The following SLC44A4 variants were observed in gnomAD, a reference collection of about 807,000 sequenced individuals.
SLC44A4 encodes solute carrier family 44 member 4.
Under a neutral mutation model 97.0 loss-of-function variants are expected in SLC44A4, and 74 were observed. The ratio of observed to expected loss-of-function variants is 0.76; its 90% CI spans 0.63 to 0.93. SLC44A4 has a LOEUF of 0.93. SLC44A4 is among the 40% of genes least tolerant of loss of function. The pLI, the probability that SLC44A4 is intolerant of heterozygous loss-of-function variation, is 0.00. For missense variants in SLC44A4, 799 were observed against 902.9 expected (o/e 0.88, Z 1.48); for synonymous variants, 325 against 363.8 (o/e 0.89, Z 1.21).
rs1311386427 is a variant in SLC44A4, at chr6:31,875,902, G to T, written c.192C>A (p.Val64=). The T allele has an allele frequency of 6.2e-7, 1 of 1,613,602 alleles. No individual in the cohort carries two copies. Among genetic ancestry groups the T allele is most frequent in the African/African-American group, 1.3e-5 (1 of 74,908 alleles). The change falls in exon 4 of 21, where the codon GTC becomes GTA. Residue 64 remains valine, a synonymous_variant. Coordinates refer to ENST00000229729, the MANE Select transcript of SLC44A4 (RefSeq NM_025257.3). ...CCCCAGTAGAGTTCCTGGGGTAGAG[G>T]ACTTGCCGGGGGTCTCCATACAACC... is the stretch of plus-strand genomic sequence containing the variant. ...VAWLYGDPRQ[V]LYPRNSTGAY... is the part of the protein sequence containing the mutation.
At position 31,865,646 on chromosome 6, in the gene SLC44A4, T is replaced by C. The variant is rs777509034; in HGVS notation, c.1582+44A>G. 12 of 1,611,820 alleles carry C rather than the reference T, an allele frequency of 7.4e-6. No individual in the cohort carries two copies. The highest frequency in any genetic ancestry group is 1.0e-5 in the Non-Finnish European group (12 of 1,178,994). ...ATGTTTGGTCACTGCCCCTCCCTAA[T>C]GGCCTTCCCCAGCTCCTGACTCCTA... On this transcript the variant is annotated intron_variant, in intron 15 of 20. Transcript: ENST00000229729. The surrounding 1 kb of genome is among the most constrained non-coding windows in gnomAD (Gnocchi z 5.2).
Position 31,866,047 on chromosome 6 carries a change from GA to G in SLC44A4, c.1312del (p.Ser438LeufsTer50), listed in dbSNP as rs1762850581. 1 of 1,614,124 alleles carries G rather than the reference GA, an allele frequency of 6.2e-7. No individual in the cohort carries two copies. Among genetic ancestry groups the G allele is most frequent in the Non-Finnish European group, 8.5e-7 (1 of 1,180,060 alleles). ...CCCATAGATTTGCAGATTGAAGACA[GA>G]ACGTTGGATTAGGCCTTTGGATGAG... ...GYSSKGLIQR[S>X]VFNLQIYGVL... On this transcript the variant is annotated frameshift_variant, in exon 14 of 21. Coordinates refer to ENST00000229729, the MANE Select transcript of SLC44A4 (RefSeq NM_025257.3). LOFTEE classifies it high-confidence loss of function.
chr6:31,869,807 A>C (rs1763057902), intron 11 of SLC44A4, among the ~76,000 whole-genome samples, 170 bp from the exon 12 acceptor site: 1 of 152,122 alleles, frequency 6.6e-6, no homozygotes, highest in African/African-American at 2.4e-5. Context: ...AACACGGTGA[A>C]ACCCCATCTC....
At chr6:31,868,855 G>A (rs1186628915) in intron 13 of SLC44A4, among the ~76,000 whole-genome samples, 1 of 151,954 alleles carries the variant, frequency 6.6e-6, no homozygotes, top group Non-Finnish European at 1.5e-5. Flanking sequence ...AGACTCAGAG[G>A]GTGAAGTGGT....
At chr6:31,869,332 G>T in intron 12 of SLC44A4, 75 bp from the exon 13 acceptor site, 1 of 1,209,068 alleles carries the variant, frequency 8.3e-7, no homozygotes, top group Non-Finnish European at 1.2e-6. Flanking sequence ...CCTGTTCCTA[G>T]GTGCTTGTGC....
chr6:31,868,256 GGA>G (rs1395897833), intron 13 of SLC44A4, among the ~76,000 whole-genome samples: 6 of 152,202 alleles, frequency 3.9e-5, no homozygotes, highest in Non-Finnish European at 8.8e-5. Flanking sequence ...ACCTCACAGG[GGA>G]ATTTTGGAAG....
intron 9 of SLC44A4, 130 bp from the exon 10 acceptor site, chr6:31,871,177 G>A: frequency 7.9e-7 from 1 of 1,270,910 alleles, no homozygotes; most frequent in Non-Finnish European, 1.1e-6. Context: ...TATAAATCCT[G>A]TTGGTCTTGG....
In SLC44A4 at chr6:31,875,913, G is replaced by A. The variant is rs756847878; in HGVS notation, c.181C>T (p.Pro61Ser). The change falls in exon 4 of 21, where the codon CCC (proline) becomes TCC (serine). Residue 61 changes from proline to serine, a missense_variant. Pro to Ser is a moderately conservative substitution (Grantham distance 74). This residue lies in a region of SLC44A4 where 409 missense variants were observed against 434.1 expected (regional missense o/e 0.94). Transcript: ENST00000229729. ...TTCCTGGGGTAGAGGACTTGCCGGG[G>A]GTCTCCATACAACCAGGCTGCAGAC... ...VGIVAWLYGD[P>S]RQVLYPRNST... The A allele has an allele frequency of 3.1e-6, 5 of 1,613,716 alleles. No homozygotes were observed. The Admixed American group carries it at 6.7e-5, about 22-fold the overall frequency.
chr6:31,874,830 C>G lies in SLC44A4; in HGVS notation c.359G>C (p.Cys120Ser). The G allele has an allele frequency of 6.2e-7, 1 of 1,612,562 alleles. No homozygotes were observed. Among genetic ancestry groups the G allele is most frequent in the East Asian group, 2.2e-5 (1 of 44,876 alleles). ...CPTPQVCVSS[C>S]PEDPWTVGKN... ...TCCCACAGTCCATGGGTCCTCCGGGCAGGAGGACACACACACCTGGGTGCA... is the reference window on the plus strand; with the variant it reads ...TCCCACAGTCCATGGGTCCTCCGGGGAGGAGGACACACACACCTGGGTGCA... Residue 120 changes from cysteine (C) to serine (S), a missense_variant, in exon 6 of 21, where the codon TGC (cysteine) becomes TCC (serine). This residue lies in a region of SLC44A4 where 409 missense variants were observed against 434.1 expected (regional missense o/e 0.94). Coordinates refer to ENST00000229729, the MANE Select transcript of SLC44A4 (RefSeq NM_025257.3). This position sits in a 1 kb window ranked among gnomAD's most constrained non-coding sequence, Gnocchi z 4.8.
rs1318084634 is a variant in SLC44A4 at position 31,865,446 on chromosome 6, G to T, written c.1686+52C>A. On this transcript the variant is annotated intron_variant, in intron 16 of 20. Coordinates refer to ENST00000229729, the MANE Select transcript of SLC44A4 (RefSeq NM_025257.3). The surrounding 1 kb of genome is among the most constrained non-coding windows in gnomAD (Gnocchi z 5.2). The stretch of plus-strand genomic sequence containing the variant: ...GCGAGCTGCCTGGACCAGGATGGGG[G>T]TGTCTAGACCAAAGGGCACCAGAAC... 4.3e-6 allele frequency: 7 copies of T among 1,611,396 alleles called. No individual in the cohort carries two copies. The highest frequency in any genetic ancestry group is 3.3e-5 in the Admixed American group (2 of 59,990).
At position 31,876,080 on chromosome 6, in the gene SLC44A4, C is replaced by T. The variant is rs779337314; in HGVS notation, c.139G>A (p.Gly47Ser). Residue 47 changes from glycine to serine, a missense_variant, in exon 3 of 21, where the codon GGT (glycine) becomes AGT (serine). By Grantham distance (56) the Gly-to-Ser change is moderately conservative (BLOSUM62 0). Around this residue, in one of 3 missense-constraint regions of SLC44A4, gnomAD observed 409 missense variants for 434.1 expected, o/e 0.94. Coordinates refer to ENST00000229729, the MANE Select transcript of SLC44A4 (RefSeq NM_025257.3). The surrounding 1 kb of genome is among the most constrained non-coding windows in gnomAD (Gnocchi z 4.8). ...CCVLFLLFIL[G>S]YIVVGIVAWL... ...CCCACAATCCCCACCACGATGTAAC[C>T]TAGAATGAAGAGCAGGAAGAGGACG... 6.2e-7 allele frequency: 1 copy of T among 1,614,044 alleles called. No homozygotes were observed. The highest frequency in any genetic ancestry group is 8.5e-7 in the Non-Finnish European group (1 of 1,180,020).
At position 31,874,667 on chromosome 6, in the gene SLC44A4, G is replaced by C. The variant is rs759313097; in HGVS notation, c.468+54C>G. 4 of 1,569,100 alleles carry C rather than the reference G, an allele frequency of 2.5e-6. No individual in the cohort carries two copies. The African/African-American group carries it at 5.4e-5, about 21-fold the overall frequency. ...ATCTACCCAACTCCCCCTCCCTCTCGTGCCCACCCTGGCCCTTCTGGGCGA... is the reference window on the plus strand; with the variant it reads ...ATCTACCCAACTCCCCCTCCCTCTCCTGCCCACCCTGGCCCTTCTGGGCGA... On this transcript the variant is annotated intron_variant, in intron 6 of 20. Transcript: ENST00000229729. This position sits in a 1 kb window ranked among gnomAD's most constrained non-coding sequence, Gnocchi z 4.8.
intron 13 of SLC44A4, among the ~76,000 whole-genome samples, chr6:31,867,824 C>CTTTTTTTTT (rs3997888): frequency 7.3e-6 from 1 of 137,616 alleles, no homozygotes; most frequent in African/African-American, 2.7e-5. Context: ...GTAAATAAAC[C>CTTTTTTTTT]TTTTTTTTTT....
In SLC44A4 at chr6:31,874,733, T is replaced by C; in HGVS notation, c.456A>G (p.Val152=). 6.2e-7 allele frequency: 1 copy of C among 1,611,582 alleles called. No homozygotes were observed. Among genetic ancestry groups the C allele is most frequent in the Non-Finnish European group, 8.5e-7 (1 of 1,178,808 alleles). Residue 152 remains valine (V), a synonymous_variant, in exon 6 of 21, where the codon GTA becomes GTG. Transcript: ENST00000229729. This position sits in a 1 kb window ranked among gnomAD's most constrained non-coding sequence, Gnocchi z 4.8. ...GGGCAATATTCACCATATTCCAGGGTACCCCTGGCAGACAAAAGTTCCTGT... is the reference window on the plus strand; with the variant it reads ...GGGCAATATTCACCATATTCCAGGGCACCCCTGGCAGACAAAAGTTCCTGT... ...TKNRNFCLPG[V]PWNMTVITSL... is the part of the protein sequence containing the mutation.
At position 31,874,936 on chromosome 6, in the gene SLC44A4, G is replaced by A; in HGVS notation, c.335C>T (p.Thr112Ile). Reference protein sequence around the residue: ...SVAENGLQCPTPQVCVSSCPE... With the variant: ...SVAENGLQCPIPQVCVSSCPE... ...CAGGTCCCAGGCTCTGACCTGGGGT[G>A]TGGGGCACTGTAGGCCGTTCTCAGC... Residue 112 changes from threonine to isoleucine, a missense_variant, in exon 5 of 21, where the codon ACA becomes ATA. Coordinates refer to ENST00000229729, the MANE Select transcript of SLC44A4 (RefSeq NM_025257.3). The surrounding 1 kb of genome is among the most constrained non-coding windows in gnomAD (Gnocchi z 4.8). The A allele has an allele frequency of 6.2e-7, 1 of 1,613,866 alleles. No homozygotes were observed. The highest frequency in any genetic ancestry group is 1.1e-5 in the South Asian group (1 of 91,080).
rs780198573 is a variant in SLC44A4 at position 31,871,553 on chromosome 6, G to A, written c.538C>T (p.Arg180Cys). 8 of 1,613,568 alleles carry A rather than the reference G, an allele frequency of 5.0e-6. No individual in the cohort carries two copies. The highest frequency in any genetic ancestry group is 4.5e-5 in the East Asian group (2 of 44,864). ...GTAACGTTGGTCCATGGAAAGCAGC[G>A]CCCCAGAGCTGGAAGGGAGAGCCGG... Reference protein sequence around the residue: ...FLLPSAPALGRCFPWTNVTPP... With the variant: ...FLLPSAPALGCCFPWTNVTPP... Residue 180 changes from arginine to cysteine, a missense_variant, in exon 8 of 21, where the codon CGC becomes TGC. Coordinates refer to ENST00000229729, the MANE Select transcript of SLC44A4 (RefSeq NM_025257.3).
In SLC44A4 at chr6:31,878,883, C is replaced by T. The variant is rs980651340; in HGVS notation, c.40+58G>A. On this transcript the variant is annotated intron_variant, in intron 1 of 20. Transcript: ENST00000229729. This position sits in a 1 kb window ranked among gnomAD's most constrained non-coding sequence, Gnocchi z 4.0. ...CCTGGAGCCAGCCCCAGACACCATT[C>T]CCAAAGTACCCGTCCTCCCCTCCCT... 1 of 1,583,618 alleles carries T rather than the reference C, an allele frequency of 6.3e-7. No homozygotes were observed. Among genetic ancestry groups the T allele is most frequent in the Non-Finnish European group, 8.7e-7 (1 of 1,152,442 alleles).
In SLC44A4 at chr6:31,876,908, T is replaced by C; in HGVS notation, c.89+126A>G. 1 of 1,005,824 alleles carries C rather than the reference T, an allele frequency of 9.9e-7. No homozygotes were observed. The highest frequency in any genetic ancestry group is 1.6e-5 in the South Asian group (1 of 61,066). 62.3% of individuals were successfully genotyped at this position (1,005,824 alleles called of 1,614,324 possible). A position where few individuals can be genotyped will look rare whatever the true frequency, so the allele number is the denominator to read the frequency against. On this transcript the variant is annotated intron_variant, in intron 2 of 20. Transcript: ENST00000229729. This position sits in a 1 kb window ranked among gnomAD's most constrained non-coding sequence, Gnocchi z 4.8. ...AACAATCCCCCCAGGGCACCACCCA[T>C]CTGGGGCAGGAGTTTCTCTTTTTCA...
rs1454542234 is a variant in SLC44A4, at chr6:31,874,880, C to T, written c.343-34G>A. ...AGAGAGAACACTAAGGGGCTGGAAC[C>T]TGAGACCCTGGGTGAGATCTGGGGT... On this transcript the variant is annotated intron_variant, in intron 5 of 20. Transcript: ENST00000229729. The surrounding 1 kb of genome is among the most constrained non-coding windows in gnomAD (Gnocchi z 4.8). 1.2e-6 allele frequency: 2 copies of T among 1,613,382 alleles called. No homozygotes were observed. Among genetic ancestry groups the T allele is most frequent in the East Asian group, 4.5e-5 (2 of 44,876 alleles).
Sources: gnomAD v4.1 joint callset for allele counts (sites outside exome capture counted in the v4.1 genomes callset) on GRCh38, gnomAD v4.1.1 for gene constraint, gnomAD v4.1.1 regional missense constraint, Gnocchi (gnomAD v3.1) non-coding constraint, MANE v1.5 for transcripts, NCBI Gene and HGNC (gene_info 2026-07-23, HGNC 2026-07-21) for gene names.